Variants in EXOC6 observed in about 807,000 individuals in gnomAD.
EXOC6 encodes exocyst complex component 6, also known as SEC15-like 1.
EXOC6 carries 60 observed loss-of-function variants against 112.5 expected under a neutral mutation model. The observed-to-expected ratio is 0.53, with a 90% CI of 0.43 to 0.66. The LOEUF (loss-of-function observed/expected upper bound fraction) is 0.66, where lower values mean the gene tolerates loss of function less well. EXOC6 is among the 30% of genes least tolerant of loss of function. EXOC6 has a pLI of 0.00. For synonymous variants in EXOC6, 295 were observed against 308.0 expected (o/e 0.96, Z 0.44); for missense variants, 855 against 957.1 (o/e 0.89, Z 1.41).
chr10:92,890,555 A>G (rs1849448066), intron 1 of EXOC6, among the ~76,000 whole-genome samples: 2 of 152,184 alleles, frequency 1.3e-5, no homozygotes, highest in Non-Finnish European at 2.9e-5. Context: ...TAAAAGTGTG[A>G]AACAGAGAGT....
upstream of EXOC6, among the ~76,000 whole-genome samples, chr10:92,830,249 C>T (rs1470456870): frequency 1.3e-5 from 2 of 152,236 alleles, no homozygotes; most frequent in Non-Finnish European, 2.9e-5. Flanking sequence ...CTAGTGTTTC[C>T]AGTACAGAGC....
intron 20 of EXOC6, among the ~76,000 whole-genome samples, chr10:93,047,570 G>T (rs1846057279): frequency 6.6e-6 from 1 of 151,668 alleles, no homozygotes; most frequent in Non-Finnish European, 1.5e-5. Context: ...AAAAAGAGGA[G>T]AAGAAGAAGG....
intron 1 of EXOC6, among the ~76,000 whole-genome samples, chr10:92,886,875 T>C (rs1289422551): frequency 6.6e-6 from 1 of 152,216 alleles, no homozygotes; most frequent in Non-Finnish European, 1.5e-5. Context: ...AATTTTTTTA[T>C]TGGAACTTAT....
chr10:93,038,985 A>G (rs1260253996), intron 20 of EXOC6, among the ~76,000 whole-genome samples: 9 of 152,118 alleles, frequency 5.9e-5, no homozygotes, highest in Admixed American at 5.2e-4. Context: ...CTTCAAAGGG[A>G]TGTATTCTTC....
intron 17 of EXOC6, among the ~76,000 whole-genome samples, chr10:92,969,677 TTTTC>T (rs1842204101): frequency 8.3e-6 from 1 of 119,822 alleles, no homozygotes; most frequent in Admixed American, 9.4e-5. Flanking sequence ...GATTATTGTA[TTTTC>T]TTTCTTTTAT....
chr10:92,976,890 T>G (rs1564880662), intron 18 of EXOC6, among the ~76,000 whole-genome samples: 2 of 152,166 alleles, frequency 1.3e-5, no homozygotes, highest in East Asian at 3.9e-4. Context: ...GCTGAAATGT[T>G]AGATTCTTCA....
intron 19 of EXOC6, among the ~76,000 whole-genome samples, chr10:93,008,019 C>G (rs907670252): frequency 5.3e-5 from 8 of 152,042 alleles, no homozygotes; most frequent in East Asian, 3.9e-4. Flanking sequence ...TCTAAAAATA[C>G]AAAATTAGCA....
At position 92,920,737 on chromosome 10, in the gene EXOC6, C is replaced by T. The variant is rs920102899; in HGVS notation, c.888+687C>T. On this transcript the variant is annotated intron_variant, in intron 8 of 21. Transcript: ENST00000260762. ...TTGTCCATTTTTTCTTTCAGTTTTG[C>T]CAGTTTTTTATTCATGTATTTTTAG... Among the ~76,000 whole-genome samples the T allele has an allele frequency of 1.2e-4, 18 of 151,994 alleles. 1 individual carries two copies. Among genetic ancestry groups the T allele is most frequent in the Admixed American group, 3.3e-4 (5 of 15,250 alleles).
chr10:92,976,430 C>T (rs1354105204), intron 18 of EXOC6, among the ~76,000 whole-genome samples: 1 of 151,932 alleles, frequency 6.6e-6, no homozygotes, highest in African/African-American at 2.4e-5. Flanking sequence ...AAGGGCGGTG[C>T]AAGATGTGCT....
At chr10:92,899,900 A>AAT in intron 5 of EXOC6, 1 of 366,588 alleles carries the variant, frequency 2.7e-6, no homozygotes. Context: ...CAGGAATGAA[A>AAT]ATATTGATTA....
chr10:92,897,494 G>A (rs183180861), intron 4 of EXOC6, among the ~76,000 whole-genome samples: 1 of 152,294 alleles, frequency 6.6e-6, no homozygotes, highest in East Asian at 1.9e-4. Flanking sequence ...CAAGAAAAAA[G>A]TCAAGCTGGG....
Position 92,850,892 on chromosome 10 carries a change from C to T in EXOC6, c.101+2258C>T, listed in dbSNP as rs76567841. Among the ~76,000 whole-genome samples, 202 of 151,918 alleles carry T rather than the reference C, an allele frequency of 1.3e-3. 1 individual carries two copies. Among genetic ancestry groups the T allele is most frequent in the African/African-American group, 4.5e-3 (188 of 41,400 alleles). On this transcript the variant is annotated intron_variant, in intron 1 of 21. Transcript: ENST00000260762. ...CCTGAGAAGCACGTGATAAACTTTC[C>T]GCAGGCCCTGACATATAACATGGTT...
At chr10:92,919,465 A>G (rs549779946) in intron 7 of EXOC6, among the ~76,000 whole-genome samples, 1 of 152,282 alleles carries the variant, frequency 6.6e-6, no homozygotes, top group East Asian at 1.9e-4. Context: ...TTCAGAATAT[A>G]GGATACATCT....
intron 14 of EXOC6, among the ~76,000 whole-genome samples, chr10:92,951,185 A>G (rs138982641): frequency 3.9e-4 from 60 of 152,350 alleles, no homozygotes; most frequent in Non-Finnish European, 7.5e-4. Context: ...GGGTAGATAC[A>G]TGAATTTGGA....
At chr10:92,988,839 ACG>A (rs1554912083) in intron 18 of EXOC6, among the ~76,000 whole-genome samples, 3 of 145,322 alleles carry the variant, frequency 2.1e-5, no homozygotes, top group Non-Finnish European at 4.5e-5. Context: ...ACACACACAC[ACG>A]CATTTCTGAC....
chr10:92,932,483 A>G (rs987337567), intron 9 of EXOC6, among the ~76,000 whole-genome samples: 2 of 152,166 alleles, frequency 1.3e-5, no homozygotes, highest in African/African-American at 4.8e-5. Context: ...AGAAACAAAC[A>G]TAAACAGAAA....
chr10:93,001,653 C>T (rs1843761873), intron 19 of EXOC6, among the ~76,000 whole-genome samples: 1 of 152,186 alleles, frequency 6.6e-6, no homozygotes, highest in African/African-American at 2.4e-5. Flanking sequence ...CATAGCTTAT[C>T]AAATAAAACA....
upstream of EXOC6, among the ~76,000 whole-genome samples, chr10:92,845,249 C>G (rs1453329350): frequency 1.3e-5 from 2 of 152,166 alleles, no homozygotes; most frequent in African/African-American, 4.8e-5. Flanking sequence ...TCAGTGCAGA[C>G]GTTAAATCAT....
intron 9 of EXOC6, among the ~76,000 whole-genome samples, chr10:92,929,987 A>G (rs543039651): frequency 1.3e-5 from 2 of 152,356 alleles, no homozygotes; most frequent in African/African-American, 4.8e-5. Context: ...AATCCCAGGT[A>G]CCTTAAATAA....
Sources: allele counts gnomAD v4.1 joint callset (sites outside exome capture counted in the v4.1 genomes callset), GRCh38; gene constraint gnomAD v4.1.1; transcripts MANE v1.5; gene names NCBI Gene and HGNC (gene_info 2026-07-23, HGNC 2026-07-21).